BOC: variants seen among roughly 807,000 people sequenced by gnomAD.
The protein encoded by BOC is BOC cell adhesion associated, oncogene regulated.
BOC carries 76 observed loss-of-function variants against 112.0 expected under a neutral mutation model. The observed-to-expected ratio is 0.68, with a 90% CI of 0.56 to 0.82. The LOEUF (loss-of-function observed/expected upper bound fraction) is 0.82. Among genes scored for constraint, BOC ranks in the 40% least tolerant of loss-of-function variants. BOC has a pLI of 0.00. For missense variants in BOC, 1,309 were observed against 1,511.7 expected, an observed-to-expected ratio of 0.87 and a Z score of 2.22; for synonymous variants, 580 against 599.8, an observed-to-expected ratio of 0.97 and a Z score of 0.48.
At position 113,211,596 on chromosome 3, in the gene BOC, G is replaced by A. The variant is rs75216636; in HGVS notation, c.-590G>A. 4,487 of 152,240 alleles carry A rather than the reference G, an allele frequency of 0.029. 102 individuals are homozygous for A. The highest frequency in any genetic ancestry group is 0.08 in the East Asian group (414 of 5,144). 9.4% of individuals were successfully genotyped at this position (152,240 alleles called of 1,614,324 possible). On this transcript the variant is annotated 5_prime_UTR_variant, in exon 1 of 20. Transcript: ENST00000682979. Reference sequence around the variant, plus strand: ...CTTCTTCCATATGGAGGGACCGGGTGCGCTGGGCGCGGCGTCCCCTGCGTT... The same window carrying A: ...CTTCTTCCATATGGAGGGACCGGGTACGCTGGGCGCGGCGTCCCCTGCGTT...
chr3:113,286,383 C>T (rs1468443092), intron 19 of BOC, among the ~76,000 whole-genome samples: 1 of 152,166 alleles, frequency 6.6e-6, no homozygotes, highest in East Asian at 1.9e-4. Flanking sequence ...AGCAGGGCTT[C>T]CTTCTGCGTT....
At chr3:113,231,083 T>G (rs896632734) in intron 2 of BOC, among the ~76,000 whole-genome samples, 1 of 152,178 alleles carries the variant, frequency 6.6e-6, no homozygotes, top group African/African-American at 2.4e-5. Context: ...ATTCCTTAAA[T>G]GTGATAATGG....
intron 2 of BOC, among the ~76,000 whole-genome samples, chr3:113,235,409 G>A (rs1217070055): frequency 6.6e-6 from 1 of 152,180 alleles, no homozygotes; most frequent in Non-Finnish European, 1.5e-5. Flanking sequence ...GGGGCTGGGA[G>A]TGGGAGTCCA....
At position 113,286,903 on chromosome 3, in the gene BOC, T is replaced by TA; in HGVS notation, c.*41_*42insA. 1 of 1,487,370 alleles carries TA rather than the reference T, an allele frequency of 6.7e-7. No individual in the cohort carries two copies. Among genetic ancestry groups the TA allele is most frequent in the Non-Finnish European group, 9.0e-7 (1 of 1,112,384 alleles). The allele number at this position is 1,487,370 out of a possible 1,614,324, so 92.1% of individuals were successfully genotyped here. A position where few individuals can be genotyped will look rare whatever the true frequency, so the allele number is the denominator to read the frequency against. Reference sequence around the variant, plus strand: ...CCAGAAAGACTATATATTGTTTTTTTTTTAAAAAAAAAAAGAAGAAAAAAG... The same window carrying TA: ...CCAGAAAGACTATATATTGTTTTTTTATTTAAAAAAAAAAAGAAGAAAAAAG... On this transcript the variant is annotated 3_prime_UTR_variant, in exon 20 of 20. Transcript: ENST00000682979.
At position 113,287,037 on chromosome 3, in the gene BOC, T is replaced by TA; in HGVS notation, c.*176dup. Reference sequence around the variant, plus strand: ...AATTCTGGAGAGACATAAGGAGTCCTACCCGTTGAGGTTGGAGAGGGAAAA... The same window carrying TA: ...AATTCTGGAGAGACATAAGGAGTCCTAACCCGTTGAGGTTGGAGAGGGAAAA... On this transcript the variant is annotated 3_prime_UTR_variant, in exon 20 of 20. Transcript: ENST00000682979. 1.3e-6 allele frequency: 1 copy of TA among 777,880 alleles called. No individual in the cohort carries two copies. Among genetic ancestry groups the TA allele is most frequent in the Non-Finnish European group, 2.1e-6 (1 of 475,626 alleles). The allele number at this position is 777,880 out of a possible 1,614,324, so 48.2% of individuals were successfully genotyped here.
rs200173600 is a variant in BOC, at chr3:113,279,766, T to C, written c.2024-58T>C. 65 of 1,526,686 alleles carry C rather than the reference T, an allele frequency of 4.3e-5. No homozygotes were observed. In the Middle Eastern group the frequency reaches 1.2e-3, roughly 29 times the overall value. 94.6% of individuals were successfully genotyped at this position (1,526,686 alleles called of 1,614,324 possible). ...CCAGGTCCTGGGCCTTGAAAGGCCA[T>C]GGGAGAATCAGAAGGTATTTCCCAG... On this transcript the variant is annotated intron_variant, in intron 12 of 19. Coordinates refer to ENST00000682979, the MANE Select transcript of BOC (RefSeq NM_001378074.1).
At chr3:113,225,720 G>A (rs556212298) in intron 2 of BOC, among the ~76,000 whole-genome samples, 3 of 152,354 alleles carry the variant, frequency 2.0e-5, no homozygotes, top group Admixed American at 2.0e-4. Context: ...CTACCAGCAA[G>A]CTAGCCTTGC....
chr3:113,272,121 T>A, intron 6 of BOC: 1 of 493,420 alleles, frequency 2.0e-6, no homozygotes, highest in Non-Finnish European at 3.6e-6. Context: ...CTCACCTTTC[T>A]CTCTTTGCCA....
At chr3:113,249,043 T>A (rs997576847) in intron 2 of BOC, among the ~76,000 whole-genome samples, 1 of 152,054 alleles carries the variant, frequency 6.6e-6, no homozygotes, top group African/African-American at 2.4e-5. Flanking sequence ...GCTTATGACT[T>A]TGGGCTGTGT....
At position 113,273,216 on chromosome 3, in the gene BOC, G is replaced by A. The variant is rs747247386; in HGVS notation, c.1109G>A (p.Arg370Gln). 3.5e-5 allele frequency: 57 copies of A among 1,613,574 alleles called. No individual in the cohort carries two copies. The highest frequency in any genetic ancestry group is 1.6e-4 in the Middle Eastern group (1 of 6,084). The change falls in exon 8 of 20, where the codon CGG becomes CAG. Residue 370 changes from arginine to glutamine, a missense_variant. By Grantham distance (43) the Arg-to-Gln change is conservative. Transcript: ENST00000682979. ...CCCCTCATCTCCAGCCAGCGCCTCC[G>A]GCTCTCCCGCAGGGCCCTGCGCGTG... is the stretch of plus-strand genomic sequence containing the variant. Reference protein sequence around the residue: ...AVPLISSQRLRLSRRALRVLS... With the variant: ...AVPLISSQRLQLSRRALRVLS...
rs1240041889 is a variant in BOC, at chr3:113,236,224, GTA to G, written c.-81-13494_-81-13493del. ...ATGGTATATATATACGTGTATATAC[GTA>G]TATGTGTGTGTGTGTGTGTGTGTGT... On this transcript the variant is annotated intron_variant, in intron 2 of 19. Coordinates refer to ENST00000682979, the MANE Select transcript of BOC (RefSeq NM_001378074.1). Among the ~76,000 whole-genome samples, 306 of 83,038 alleles carry G rather than the reference GTA, an allele frequency of 3.7e-3. 1 individual carries two copies. Among genetic ancestry groups the G allele is most frequent in the Non-Finnish European group, 6.9e-3 (258 of 37,204 alleles). 54.5% of individuals were successfully genotyped at this position (83,038 alleles called of 152,430 possible).
chr3:113,253,535 T>C (rs1431369713), intron 4 of BOC, among the ~76,000 whole-genome samples: 1 of 151,694 alleles, frequency 6.6e-6, no homozygotes, highest in Non-Finnish European at 1.5e-5. Context: ...AAATGAGATG[T>C]GGCTTTTTTG....
intron 2 of BOC, among the ~76,000 whole-genome samples, chr3:113,229,151 GAAAATC>G (rs1942180001): frequency 6.6e-6 from 1 of 152,190 alleles, no homozygotes; most frequent in Admixed American, 6.5e-5. Context: ...GGACCAAACT[GAAAATC>G]GACTCCTTCG....
chr3:113,286,658 A>G lies in BOC; in HGVS notation c.3161-17A>G. 1 of 1,545,106 alleles carries G rather than the reference A, an allele frequency of 6.5e-7. No homozygotes were observed. The highest frequency in any genetic ancestry group is 8.7e-7 in the Non-Finnish European group (1 of 1,145,760). On this transcript the variant is annotated splice_polypyrimidine_tract_variant and intron_variant, in intron 19 of 19. Coordinates refer to ENST00000682979, the MANE Select transcript of BOC (RefSeq NM_001378074.1). ...GTCAATCTGGATTTTAATGGTTCCT[A>G]CTCTTTCTCCCCTCAGGGCCCCCAT...
chr3:113,272,343 C>T (rs998319254), intron 6 of BOC, 67 bp from the exon 7 acceptor site: 2 of 1,550,066 alleles, frequency 1.3e-6, no homozygotes, highest in South Asian at 2.4e-5. Flanking sequence ...GGGACTGCCT[C>T]CTGGGCATGC....
At chr3:113,280,488 C>A in intron 13 of BOC, 70 bp from the exon 14 acceptor site, 1 of 1,099,860 alleles carries the variant, frequency 9.1e-7, no homozygotes, top group Non-Finnish European at 1.4e-6. Flanking sequence ...AACCTTCATA[C>A]ACCAGTGGTT....
intron 2 of BOC, among the ~76,000 whole-genome samples, chr3:113,223,907 A>T (rs1245818306): frequency 2.6e-5 from 4 of 152,308 alleles, no homozygotes; most frequent in Middle Eastern, 6.8e-3. Flanking sequence ...GCTTCCACTG[A>T]GCATGCCGGC....
intron 2 of BOC, among the ~76,000 whole-genome samples, chr3:113,236,526 TGGGAAGAGGGTGA>T (rs1943587238): frequency 7.9e-5 from 1 of 12,592 alleles, no homozygotes; most frequent in Non-Finnish European, 1.5e-4. Flanking sequence ...GGTGGGAGGG[TGGGAAGAGGGTGA>T]GGGATGAGAA....
rs750388106 is a variant in BOC at position 113,286,661 on chromosome 3, C to G, written c.3161-14C>G. The G allele has an allele frequency of 6.4e-7, 1 of 1,553,598 alleles. No homozygotes were observed. The highest frequency in any genetic ancestry group is 1.2e-5 in the South Asian group (1 of 82,456). On this transcript the variant is annotated splice_polypyrimidine_tract_variant and intron_variant, in intron 19 of 19. Coordinates refer to ENST00000682979, the MANE Select transcript of BOC (RefSeq NM_001378074.1). ...AATCTGGATTTTAATGGTTCCTACT[C>G]TTTCTCCCCTCAGGGCCCCCATGCT...
Sources: allele counts gnomAD v4.1 joint callset (sites outside exome capture counted in the v4.1 genomes callset), GRCh38; gene constraint gnomAD v4.1.1; transcripts MANE v1.5; gene names NCBI Gene and HGNC (gene_info 2026-07-23, HGNC 2026-07-21).